The following LRP1B variants were observed in gnomAD, a reference collection of about 807,000 sequenced individuals.
LRP1B encodes the protein LDL receptor related protein 1B.
In LRP1B, 217 loss-of-function variants were observed where a neutral mutation model predicts 556.6. That is an observed-to-expected ratio of 0.39 (90% confidence interval 0.35 to 0.44). The LOEUF is 0.44. Among genes scored for constraint, LRP1B ranks in the 20% least tolerant of loss-of-function variants. The pLI, the probability that LRP1B is intolerant of heterozygous loss-of-function variation, is 1.00. For missense variants in LRP1B, 5,053 were observed against 5,620.8 expected (o/e 0.90, Z 3.23); for synonymous variants, 2,047 against 1,865.8 (o/e 1.10, Z -2.50).
At chr2:140,840,171 A>G (rs1459649186) in intron 30 of LRP1B, 86 bp from the exon 31 acceptor site, 4 of 700,104 alleles carry the variant, frequency 5.7e-6, no homozygotes, top group African/African-American at 1.9e-5. Flanking sequence ...CAAAGTAAAC[A>G]TCAAAATATA....
chr2:141,072,003 C>A (rs145475060), intron 7 of LRP1B, among the ~76,000 whole-genome samples: 34 of 152,058 alleles, frequency 2.2e-4, no homozygotes, highest in Non-Finnish European at 4.1e-4. Context: ...GGAAAAACTA[C>A]TTTAAAGTTC....
chr2:141,037,895 C>A (rs753953634), intron 11 of LRP1B, among the ~76,000 whole-genome samples: 8 of 146,064 alleles, frequency 5.5e-5, no homozygotes, highest in African/African-American at 2.0e-4. Flanking sequence ...TACACACACA[C>A]TCACATACAA....
At chr2:141,727,079 T>C (rs1251524184) in intron 2 of LRP1B, among the ~76,000 whole-genome samples, 1 of 152,058 alleles carries the variant, frequency 6.6e-6, no homozygotes, top group Non-Finnish European at 1.5e-5. Context: ...AAGCCACTAA[T>C]GTAAGGAGAT....
chr2:141,516,535 C>A (rs1240585415), intron 2 of LRP1B, among the ~76,000 whole-genome samples: 1 of 151,968 alleles, frequency 6.6e-6, no homozygotes, highest in East Asian at 1.9e-4. Flanking sequence ...TGGGCTCAAT[C>A]CAATATGATT....
rs565616327 is a variant in LRP1B at position 142,124,434 on chromosome 2, G to A, written c.82+6214C>T. On this transcript the variant is annotated intron_variant, in intron 1 of 90. Coordinates refer to ENST00000389484, the MANE Select transcript of LRP1B (RefSeq NM_018557.3). ...AAAATTATTATAGTCATATTTAAAA[G>A]AGCATTTAATCCTGTTGTCCAATTT... Among the ~76,000 whole-genome samples, 15 of 151,970 alleles carry A rather than the reference G, an allele frequency of 9.9e-5. No individual in the cohort carries two copies. The East Asian group carries it at 2.3e-3, about 23-fold the overall frequency.
rs563254817 is a variant in LRP1B, at chr2:141,508,676, T to C, written c.206-28143A>G. On this transcript the variant is annotated intron_variant, in intron 2 of 90. Transcript: ENST00000389484. ...TTTTTTTTTTTAAAGAACAGTTAAA[T>C]ACTTTTTGAAAATTATCAATAATTA... Among the ~76,000 whole-genome samples, 5 of 152,188 alleles carry C rather than the reference T, an allele frequency of 3.3e-5. No homozygotes were observed. In the East Asian group the frequency reaches 9.7e-4, roughly 30 times the overall value.
rs67661603 is a variant in LRP1B, at chr2:141,131,407, T to TTATATATATATATATATATATATATATA, written c.1013+57013_1013+57014insTATATATATATATATATATATATATATA. 6.1e-3 allele frequency among the ~76,000 whole-genome samples: 676 copies of TTATATATATATATATATATATATATATA among 110,462 alleles called. 15 individuals carry two copies. The highest frequency in any genetic ancestry group is 8.6e-3 in the South Asian group (29 of 3,362). The allele number at this position is 110,462 out of a possible 152,430, so 72.5% of individuals were successfully genotyped here. ...GGTTACAAAATTATAATGCATAAAG[T>TTATATATATATATATATATATATATATA]TATATATATATATATATATATATTT... On this transcript the variant is annotated intron_variant, in intron 7 of 90. Coordinates refer to ENST00000389484, the MANE Select transcript of LRP1B (RefSeq NM_018557.3).
intron 2 of LRP1B, among the ~76,000 whole-genome samples, chr2:141,745,069 C>T (rs1325106262): frequency 1.3e-5 from 2 of 152,138 alleles, no homozygotes; most frequent in Admixed American, 1.3e-4. Flanking sequence ...GCTAAGCTGC[C>T]TGGAGCCAGG....
intron 1 of LRP1B, among the ~76,000 whole-genome samples, chr2:141,929,788 C>T (rs771629265): frequency 3.3e-5 from 5 of 151,682 alleles, no homozygotes; most frequent in Non-Finnish European, 5.9e-5. Context: ...TTTGTTTGTT[C>T]CACAAATACT....
chr2:140,463,384 T>C (rs1573966985), intron 60 of LRP1B, among the ~76,000 whole-genome samples: 1 of 152,320 alleles, frequency 6.6e-6, no homozygotes, highest in East Asian at 1.9e-4. Context: ...ATGTCTCCTT[T>C]GGTGTTACTG....
At chr2:140,334,617 T>C in intron 78 of LRP1B, 58 bp from the exon 79 acceptor site, 1 of 940,762 alleles carries the variant, frequency 1.1e-6, no homozygotes. Context: ...AACCAGACTC[T>C]GCTCCGCAAA....
At chr2:141,463,639 T>A (rs867081806) in intron 3 of LRP1B, among the ~76,000 whole-genome samples, 5 of 123,446 alleles carry the variant, frequency 4.1e-5, no homozygotes, top group African/African-American at 3.6e-5. Flanking sequence ...TTATTATATA[T>A]TATATATTAT....
At chr2:140,236,025 C>CA (rs2104877010) in intron 89 of LRP1B, among the ~76,000 whole-genome samples, 1 of 150,954 alleles carries the variant, frequency 6.6e-6, no homozygotes, top group South Asian at 2.1e-4. Flanking sequence ...CAGAAAATAT[C>CA]AAATGTAAGG....
At chr2:140,530,697 T>C (rs1356288492) in intron 47 of LRP1B, among the ~76,000 whole-genome samples, 1 of 152,146 alleles carries the variant, frequency 6.6e-6, no homozygotes, top group Non-Finnish European at 1.5e-5. Flanking sequence ...TGCTTGTGTT[T>C]CCATGAGAAA....
intron 3 of LRP1B, among the ~76,000 whole-genome samples, chr2:141,467,845 G>GGGCGGGGC (rs575815274): frequency 0.24 from 30,174 of 127,262 alleles, 5,315 homozygotes; most frequent in East Asian, 0.55. Flanking sequence ...GGACCGGGGG[G>GGGCGGGGC]GGGGGAATTC....
At chr2:141,219,344 T>C (rs971048037) in intron 6 of LRP1B, among the ~76,000 whole-genome samples, 11 of 152,166 alleles carry the variant, frequency 7.2e-5, no homozygotes, top group Admixed American at 2.6e-4. Context: ...CACGGCAAGA[T>C]TGCTCCTTTA....
chr2:141,103,956 C>A (rs1373405631), intron 7 of LRP1B, among the ~76,000 whole-genome samples: 1 of 151,906 alleles, frequency 6.6e-6, no homozygotes, highest in East Asian at 1.9e-4. Flanking sequence ...AGAGCCATTT[C>A]TCCATGTTTT....
chr2:141,299,169 C>G lies in LRP1B; in HGVS notation c.344-44528G>C, dbSNP rs761550994. 4.9e-4 allele frequency among the ~76,000 whole-genome samples: 74 copies of G among 152,020 alleles called. 1 individual carries two copies. The highest frequency in any genetic ancestry group is 2.6e-4 in the Admixed American group (4 of 15,252). The stretch of plus-strand genomic sequence containing the variant: ...AGTATGGCTAACTCTAGATAAGAGG[C>G]CTAAATGATTCTTGCAGTGTAATGA... On this transcript the variant is annotated intron_variant, in intron 3 of 90. Transcript: ENST00000389484.
chr2:141,814,246 AG>A (rs1696457737), intron 1 of LRP1B, among the ~76,000 whole-genome samples: 1 of 152,124 alleles, frequency 6.6e-6, no homozygotes, highest in African/African-American at 2.4e-5. Flanking sequence ...GGGCTCACAG[AG>A]TGGGTGTTTC....
Sources: gnomAD v4.1 joint callset for allele counts (sites outside exome capture counted in the v4.1 genomes callset) on GRCh38, gnomAD v4.1.1 for gene constraint, MANE v1.5 for transcripts, NCBI Gene and HGNC (gene_info 2026-07-23, HGNC 2026-07-21) for gene names.